FBXW10: variants seen among roughly 807,000 people sequenced by gnomAD.
FBXW10 encodes F-box/WD repeat-containing protein 10.
FBXW10 carries 68 observed loss-of-function variants against 113.1 expected under a neutral mutation model. The observed-to-expected ratio is 0.60, with a 90% CI of 0.49 to 0.74. The LOEUF (loss-of-function observed/expected upper bound fraction) is 0.74. Ranked by LOEUF, FBXW10 falls within the 30% of genes least tolerant of loss-of-function variation. The pLI is 0.00. For synonymous variants in FBXW10, 289 were observed against 481.6 expected (o/e 0.60, Z 5.24); for missense variants, 753 against 1,284.5 (o/e 0.59, Z 6.32).
At position 18,778,600 on chromosome 17, in the gene FBXW10, G is replaced by T; in HGVS notation, c.2461G>T (p.Ala821Ser). Residue 821 changes from alanine (A) to serine (S), a missense_variant, in exon 14 of 14, where the codon GCC becomes TCC. Ala to Ser is a moderately conservative substitution (Grantham distance 99, BLOSUM62 1). Coordinates refer to ENST00000395665, the MANE Select transcript of FBXW10 (RefSeq NM_001267585.2). ...TGACCAATTCCTCCTGACTGTTAGC[G>T]CCCTGCAGCACGCCCATAATTCCGG... ...SPDQFLLTVS[A>S]LQHAHNSGEF... 6.2e-7 allele frequency: 1 copy of T among 1,613,490 alleles called. No homozygotes were observed. Among genetic ancestry groups the T allele is most frequent in the Non-Finnish European group, 8.5e-7 (1 of 1,179,754 alleles).
Position 18,744,098 on chromosome 17 carries a change from T to C in FBXW10, c.-147T>C, listed in dbSNP as rs1333242641. On this transcript the variant is annotated 5_prime_UTR_variant, in exon 1 of 14. An upstream start codon of the reference 5' UTR is lost. Coordinates refer to ENST00000395665, the MANE Select transcript of FBXW10 (RefSeq NM_001267585.2). ...CTGAGAGAGATAGGCTTTCCATCCA[T>C]GGCAGCCATTTACTTTTGCTCTGGG... The C allele has an allele frequency of 1.6e-6, 2 of 1,241,846 alleles. No individual in the cohort carries two copies. Among genetic ancestry groups the C allele is most frequent in the African/African-American group, 1.5e-5 (1 of 67,454 alleles). 76.9% of individuals were successfully genotyped at this position (1,241,846 alleles called of 1,614,324 possible). A position where few individuals can be genotyped will look rare whatever the true frequency, so the allele number is the denominator to read the frequency against.
chr17:18,745,010 G>A (rs1414791591), intron 1 of FBXW10: 3 of 1,368,376 alleles, frequency 2.2e-6, no homozygotes, highest in Non-Finnish European at 1.9e-6. Flanking sequence ...CATTTATCAT[G>A]GATTTCTGCA....
intron 1 of FBXW10, among the ~76,000 whole-genome samples, chr17:18,747,739 G>C (rs540676777): frequency 1.3e-5 from 2 of 151,978 alleles, no homozygotes. Context: ...TACAATGGGG[G>C]CGTGCTGAAA....
intron 1 of FBXW10, among the ~76,000 whole-genome samples, chr17:18,747,036 T>C (rs1363155210): frequency 6.6e-6 from 1 of 151,594 alleles, no homozygotes; most frequent in Non-Finnish European, 1.5e-5. Flanking sequence ...GCCATTCTCC[T>C]GCCTCAGCCT....
chr17:18,761,827 T>C (rs2035390844), intron 7 of FBXW10, among the ~76,000 whole-genome samples: 1 of 152,224 alleles, frequency 6.6e-6, no homozygotes, highest in African/African-American at 2.4e-5. Context: ...TAATTTTGCT[T>C]ATATTTTCAA....
chr17:18,752,125 C>A (rs949466691), intron 5 of FBXW10, among the ~76,000 whole-genome samples: 1 of 152,184 alleles, frequency 6.6e-6, no homozygotes, highest in Non-Finnish European at 1.5e-5. Context: ...GAGAGAGCAT[C>A]TAGCTCATAT....
chr17:18,756,290 T>C, intron 6 of FBXW10, 136 bp downstream of exon 6: 1 of 776,354 alleles, frequency 1.3e-6, no homozygotes. Flanking sequence ...AACTTGCACA[T>C]GATCCCATGT....
intron 9 of FBXW10, among the ~76,000 whole-genome samples, chr17:18,768,026 T>TCTTCCTTCCTTTCTTCCTTC (rs2035533400): frequency 7.4e-6 from 1 of 135,680 alleles, no homozygotes; most frequent in Non-Finnish European, 1.6e-5. Context: ...TTCCTTCCTT[T>TCTTCCTTCCTTTCTTCCTTC]CTTCCTTCCT....
intron 2 of FBXW10, among the ~76,000 whole-genome samples, chr17:18,748,853 G>A (rs1345327554): frequency 2.6e-5 from 4 of 152,116 alleles, no homozygotes; most frequent in Non-Finnish European, 4.4e-5. Flanking sequence ...TCTTGAGGAG[G>A]GAACAAAATT....
At chr17:18,767,043 G>A (rs546319501) in intron 9 of FBXW10, among the ~76,000 whole-genome samples, 181 bp downstream of exon 9, 1 of 152,268 alleles carries the variant, frequency 6.6e-6, no homozygotes, top group East Asian at 1.9e-4. Context: ...GAGGGTAGGG[G>A]CTCCACCACC....
intron 12 of FBXW10, among the ~76,000 whole-genome samples, chr17:18,774,017 G>T (rs2035660561): frequency 6.6e-6 from 1 of 152,124 alleles, no homozygotes; most frequent in African/African-American, 2.4e-5. Context: ...GACTAGATCG[G>T]CTACTATTGA....
chr17:18,747,018 G>A (rs1427421533), intron 1 of FBXW10, among the ~76,000 whole-genome samples: 12 of 149,950 alleles, frequency 8.0e-5, no homozygotes, highest in African/African-American at 1.5e-4. Flanking sequence ...TCCGCCTCCC[G>A]GGTTCACGCC....
At chr17:18,770,836 C>A (rs565069560) in intron 11 of FBXW10, among the ~76,000 whole-genome samples, 1 of 152,202 alleles carries the variant, frequency 6.6e-6, no homozygotes, top group Non-Finnish European at 1.5e-5. Context: ...GAAAGCTGAG[C>A]TGGTGAGCTT....
In FBXW10 at chr17:18,744,472, C is replaced by T; in HGVS notation, c.228C>T (p.Ile76=). The T allele has an allele frequency of 2.5e-6, 4 of 1,613,744 alleles. No individual in the cohort carries two copies. The highest frequency in any genetic ancestry group is 3.4e-6 in the Non-Finnish European group (4 of 1,179,834). ...ATTTGTTACACTATTTCCAAAATAT[C>T]CTTCAGACCACACAGGGAAAGGATT... ...SLYLLHYFQN[I]LQTTQGKDFI... is the part of the protein sequence containing the mutation. The change falls in exon 1 of 14, where the codon ATC becomes ATT. Residue 76 remains isoleucine (I), a synonymous_variant. Transcript: ENST00000395665.
chr17:18,754,983 C>T (rs1361648374), intron 5 of FBXW10, among the ~76,000 whole-genome samples: 1 of 152,204 alleles, frequency 6.6e-6, no homozygotes, highest in Admixed American at 6.5e-5. Context: ...CAAATGCAGG[C>T]TGGGCGTGGT....
chr17:18,755,977 T>C (rs2035252794), intron 5 of FBXW10, 68 bp from the exon 6 acceptor site: 2 of 1,483,538 alleles, frequency 1.3e-6, no homozygotes, highest in African/African-American at 2.8e-5. Context: ...AGGGAGACCC[T>C]AGGGGCTCTG....
chr17:18,747,927 C>T lies in FBXW10; in HGVS notation c.506-14C>T, dbSNP rs1301132244. The T allele has an allele frequency of 1.2e-6, 2 of 1,613,736 alleles. No homozygotes were observed. Among genetic ancestry groups the T allele is most frequent in the Middle Eastern group, 1.6e-4 (1 of 6,074 alleles). ...GCTTCAAGAGCAACCTTGTCTTGGT[C>T]TTCTGTGTTTCAGGGCTCAATCAAG... On this transcript the variant is annotated splice_polypyrimidine_tract_variant and intron_variant, in intron 1 of 13. Coordinates refer to ENST00000395665, the MANE Select transcript of FBXW10 (RefSeq NM_001267585.2).
Position 18,749,767 on chromosome 17 carries a change from G to A in FBXW10, c.716G>A (p.Arg239Lys). 1.2e-6 allele frequency: 2 copies of A among 1,614,170 alleles called. No individual in the cohort carries two copies. The highest frequency in any genetic ancestry group is 1.7e-6 in the Non-Finnish European group (2 of 1,180,012). The stretch of plus-strand genomic sequence containing the variant: ...CTCCGGTGTATATCCGAAATGAATA[G>A]GCTGTTTTCTGGAAAAGGAGACATA... ...NSLRCISEMNRLFSGKGDITK... is the reference protein window; with the variant it reads ...NSLRCISEMNKLFSGKGDITK... The change falls in exon 3 of 14, where the codon AGG (arginine) becomes AAG (lysine). Residue 239 changes from arginine to lysine, a missense_variant. By Grantham distance (26) the Arg-to-Lys change is conservative (BLOSUM62 2). Coordinates refer to ENST00000395665, the MANE Select transcript of FBXW10 (RefSeq NM_001267585.2).
chr17:18,755,061 G>A (rs1406194490), intron 5 of FBXW10, among the ~76,000 whole-genome samples: 1 of 151,900 alleles, frequency 6.6e-6, no homozygotes, highest in African/African-American at 2.4e-5. Flanking sequence ...TCAGGAGTTC[G>A]AGACCAGCCT....
Sources: gnomAD v4.1 joint callset for allele counts (sites outside exome capture counted in the v4.1 genomes callset) on GRCh38, gnomAD v4.1.1 for gene constraint, MANE v1.5 for transcripts, NCBI Gene and HGNC (gene_info 2026-07-23, HGNC 2026-07-21) for gene names.